The following CD86 variants were observed in gnomAD, a reference collection of about 807,000 sequenced individuals.
CD86 encodes CD86 molecule.
Under a neutral mutation model 32.1 loss-of-function variants are expected in CD86, and 11 were observed. That is an observed-to-expected ratio of 0.34 (90% CI 0.22 to 0.57). The LOEUF (loss-of-function observed/expected upper bound fraction) is 0.57, where lower values mean the gene tolerates loss of function less well. Ranked by LOEUF, CD86 falls within the 20% of genes least tolerant of loss-of-function variation. The pLI, the probability that CD86 is intolerant of heterozygous loss-of-function variation, is 0.86. For missense variants in CD86, 359 were observed against 398.4 expected, an observed-to-expected ratio of 0.90 and a Z score of 0.84; for synonymous variants, 137 against 135.3, an observed-to-expected ratio of 1.01 and a Z score of -0.09.
intron 5 of CD86, among the ~76,000 whole-genome samples, chr3:122,117,419 T>C (rs1425799045): frequency 6.6e-6 from 1 of 152,258 alleles, no homozygotes; most frequent in Non-Finnish European, 1.5e-5. Flanking sequence ...TTGTGGTCTA[T>C]AAATACCTCC....
At chr3:122,069,015 C>T (rs981998800) in intron 1 of CD86, among the ~76,000 whole-genome samples, 1 of 152,164 alleles carries the variant, frequency 6.6e-6, no homozygotes, top group African/African-American at 2.4e-5. Flanking sequence ...TAGTTGTAAC[C>T]TACACAACTA....
intron 5 of CD86, 126 bp from the exon 6 acceptor site, chr3:122,117,922 C>A: frequency 1.3e-6 from 1 of 745,566 alleles, no homozygotes; most frequent in African/African-American, 1.8e-5. Context: ...GAGTAACTAT[C>A]TCTTCCATAT....
At chr3:122,099,637 G>T (rs1037286932) in intron 2 of CD86, among the ~76,000 whole-genome samples, 1 of 152,158 alleles carries the variant, frequency 6.6e-6, no homozygotes, top group Non-Finnish European at 1.5e-5. Flanking sequence ...AGACAAAGGG[G>T]TGTGTTTATT....
chr3:122,111,172 A>C (rs2073166288), intron 5 of CD86, among the ~76,000 whole-genome samples: 1 of 152,208 alleles, frequency 6.6e-6, no homozygotes, highest in African/African-American at 2.4e-5. Context: ...CATCCATGCC[A>C]CTGAGTTTGA....
intron 2 of CD86, among the ~76,000 whole-genome samples, chr3:122,093,160 T>C (rs902844768): frequency 6.6e-6 from 1 of 152,100 alleles, no homozygotes; most frequent in African/African-American, 2.4e-5. Context: ...ATTTATTTTA[T>C]TTATTTTATT....
Position 122,078,123 on chromosome 3 carries a change from A to C in CD86, c.15-13478A>C, listed in dbSNP as rs1185123881. 3 of 859,706 alleles carry C rather than the reference A, an allele frequency of 3.5e-6. No homozygotes were observed. In the African/African-American group the frequency reaches 5.5e-5, roughly 16 times the overall value. 53.3% of individuals were successfully genotyped at this position (859,706 alleles called of 1,614,324 possible). ...AGCTGCATCTGGGGCAGAAATGCTG[A>C]TGTGCTAATGGCCGGCCAGAGAATG... On this transcript the variant is annotated intron_variant, in intron 1 of 6. Coordinates refer to ENST00000330540, the MANE Select transcript of CD86 (RefSeq NM_175862.5).
chr3:122,100,576 C>T (rs1346744685), intron 2 of CD86, among the ~76,000 whole-genome samples: 1 of 152,140 alleles, frequency 6.6e-6, no homozygotes, highest in Non-Finnish European at 1.5e-5. Context: ...ATAAGATATG[C>T]ATTTGGGGAT....
intron 1 of CD86, among the ~76,000 whole-genome samples, chr3:122,089,414 C>T (rs1227567440): frequency 4.0e-5 from 6 of 151,820 alleles, no homozygotes; most frequent in Admixed American, 1.3e-4. Context: ...TTAGAAAACA[C>T]GTTGGCAAAA....
chr3:122,112,208 T>A (rs533696213), intron 5 of CD86, among the ~76,000 whole-genome samples: 7 of 152,366 alleles, frequency 4.6e-5, no homozygotes, highest in African/African-American at 1.7e-4. Context: ...ACAACGGTTT[T>A]TACAGCTTGC....
chr3:122,083,485 T>G (rs1294331514), intron 1 of CD86, among the ~76,000 whole-genome samples: 1 of 152,174 alleles, frequency 6.6e-6, no homozygotes, highest in Non-Finnish European at 1.5e-5. Context: ...TTCACCTACT[T>G]AGCACCTACC....
At chr3:122,072,013 AATG>A (rs1330978732) in intron 1 of CD86, among the ~76,000 whole-genome samples, 1 of 151,080 alleles carries the variant, frequency 6.6e-6, no homozygotes, top group Non-Finnish European at 1.5e-5. Context: ...GTTTACTGAG[AATG>A]ATGATTTCCA....
In CD86 at chr3:122,091,659, C is replaced by T. The variant is rs760013262; in HGVS notation, c.64+9C>T. On this transcript the variant is annotated intron_variant, in intron 2 of 6. Transcript: ENST00000330540. ...GGCCTTCCTGCTCTCTGGTAAGAAC[C>T]TTTCAGCTTTGTTAAGTCCTGGAAT... 2 of 1,610,288 alleles carry T rather than the reference C, an allele frequency of 1.2e-6. No homozygotes were observed. Among genetic ancestry groups the T allele is most frequent in the Admixed American group, 3.3e-5 (2 of 60,000 alleles).
chr3:122,107,443 G>A (rs2073109782), intron 4 of CD86, among the ~76,000 whole-genome samples: 3 of 152,196 alleles, frequency 2.0e-5, no homozygotes, highest in African/African-American at 7.2e-5. Flanking sequence ...TTCAGTGGAG[G>A]AAAGGATTGA....
chr3:122,110,857 T>C (rs2107545953), intron 5 of CD86, among the ~76,000 whole-genome samples: 1 of 152,302 alleles, frequency 6.6e-6, no homozygotes, highest in South Asian at 2.1e-4. Flanking sequence ...GACTTACATC[T>C]TGGGAATAAG....
At chr3:122,074,206 C>G (rs1453183747) in intron 1 of CD86, among the ~76,000 whole-genome samples, 5 of 152,218 alleles carry the variant, frequency 3.3e-5, no homozygotes. Flanking sequence ...CCTGAGGTTG[C>G]TACCCCCTCG....
intron 2 of CD86, among the ~76,000 whole-genome samples, chr3:122,096,289 G>C (rs1476875133): frequency 6.6e-6 from 1 of 152,104 alleles, no homozygotes; most frequent in Non-Finnish European, 1.5e-5. Flanking sequence ...TTGTGCCCAG[G>C]CTGGTCTTGA....
In CD86 at chr3:122,083,092, A is replaced by C. The variant is rs1314642177; in HGVS notation, c.15-8509A>C. ...CCACTTTTCCCTTACTTCACCTGCT[A>C]CTATCCCAGACCAAACAGCCATCTT... On this transcript the variant is annotated intron_variant, in intron 1 of 6. Transcript: ENST00000330540. 2.3e-4 allele frequency among the ~76,000 whole-genome samples: 35 copies of C among 152,158 alleles called. 1 individual carries two copies. The highest frequency in any genetic ancestry group is 2.3e-3 in the Admixed American group (35 of 15,282).
chr3:122,075,787 G>A (rs147839286), intron 1 of CD86, among the ~76,000 whole-genome samples: 22 of 152,266 alleles, frequency 1.4e-4, no homozygotes, highest in African/African-American at 5.3e-4. Flanking sequence ...TTACAGCATT[G>A]GAGGAGGCTG....
chr3:122,103,645 T>C lies in CD86; in HGVS notation c.198T>C (p.Asn66=). The change falls in exon 3 of 7, where the codon AAT becomes AAC. Residue 66 remains asparagine, a synonymous_variant. Transcript: ENST00000330540. ...AGGACCAGGAAAACTTGGTTCTGAATGAGGTATACTTAGGCAAAGAGAAAT... is the reference window on the plus strand; with the variant it reads ...AGGACCAGGAAAACTTGGTTCTGAACGAGGTATACTTAGGCAAAGAGAAAT... ...FWQDQENLVL[N]EVYLGKEKFD... 2.5e-6 allele frequency: 4 copies of C among 1,613,986 alleles called. No individual in the cohort carries two copies. Among genetic ancestry groups the C allele is most frequent in the Non-Finnish European group, 3.4e-6 (4 of 1,179,916 alleles).
Sources: allele counts gnomAD v4.1 joint callset (sites outside exome capture counted in the v4.1 genomes callset), GRCh38; gene constraint gnomAD v4.1.1; transcripts MANE v1.5; gene names NCBI Gene and HGNC (gene_info 2026-07-23, HGNC 2026-07-21).